Variants in PANK2 observed in about 807,000 individuals in gnomAD.
PANK2 encodes pantothenate kinase 2, mitochondrial.
In PANK2, 36 loss-of-function variants were observed where a neutral mutation model predicts 43.1. The observed-to-expected ratio is 0.84, with a 90% CI of 0.64 to 1.10. PANK2 has a LOEUF of 1.10. PANK2 is among the 50% of genes least tolerant of loss of function. The pLI is 0.00. For synonymous variants in PANK2, 281 were observed against 238.2 expected (o/e 1.18, Z -1.66); for missense variants, 576 against 593.3 (o/e 0.97, Z 0.30).
chr20:3,923,291 G>A lies in PANK2; in HGVS notation c.1380G>A (p.Pro460=), dbSNP rs762044608. ...CACTCCTTGAGCTGTTGAAGATCCC[G>A]TGATCATTACCTGGGGAGGGGTTCC... is the stretch of plus-strand genomic sequence containing the variant. Residue 460 remains proline (P), a synonymous_variant, in exon 7 of 7, where the codon CCG becomes CCA. Coordinates refer to ENST00000610179, the MANE Select transcript of PANK2 (RefSeq NM_001386393.1). 3.4e-5 allele frequency: 55 copies of A among 1,614,010 alleles called. No homozygotes were observed. Among genetic ancestry groups the A allele is most frequent in the Middle Eastern group, 3.3e-4 (2 of 6,084 alleles).
chr20:3,910,767 G>C lies in PANK2; in HGVS notation c.842G>C (p.Gly281Ala). 1 of 1,614,094 alleles carries C rather than the reference G, an allele frequency of 6.2e-7. No individual in the cohort carries two copies. The highest frequency in any genetic ancestry group is 8.5e-7 in the Non-Finnish European group (1 of 1,180,008). ...TATCCTCTGCTTCTGGTGAACATTG[G>C]CTCAGGGGTTAGCATCTTAGCAGTA... The change falls in exon 3 of 7, where the codon GGC (glycine) becomes GCC (alanine). Residue 281 changes from glycine (G) to alanine (A), a missense_variant. Around this residue, in one of 2 missense-constraint regions of PANK2, gnomAD observed 544 missense variants for 528.9 expected, o/e 1.03. Transcript: ENST00000610179.
chr20:3,889,045 T>C, upstream of PANK2: 2 of 1,408,828 alleles, frequency 1.4e-6, no homozygotes, highest in Non-Finnish European at 1.9e-6. Context: ...CCAGGAGAGT[T>C]CCGCGGCCCG....
chr20:3,889,605 A>G lies in PANK2; in HGVS notation c.175A>G (p.Ser59Gly). 6.6e-7 allele frequency: 1 copy of G among 1,522,816 alleles called. No individual in the cohort carries two copies. 94.3% of individuals were successfully genotyped at this position (1,522,816 alleles called of 1,614,324 possible). A position where few individuals can be genotyped will look rare whatever the true frequency, so the allele number is the denominator to read the frequency against. ...GGAGCCACTGCGGCGCCGGGCGAGCAGCGCGTCGGTGCCCGCGGTCGGGGC... is the reference window on the plus strand; with the variant it reads ...GGAGCCACTGCGGCGCCGGGCGAGCGGCGCGTCGGTGCCCGCGGTCGGGGC... Residue 59 changes from serine (S) to glycine (G), a missense_variant, in exon 1 of 7, where the codon AGC becomes GGC. Coordinates refer to ENST00000610179, the MANE Select transcript of PANK2 (RefSeq NM_001386393.1).
chr20:3,917,692 AG>A, intron 5 of PANK2: 1 of 203,654 alleles, frequency 4.9e-6, no homozygotes, highest in East Asian at 1.4e-4. Flanking sequence ...GTTATTCTTT[AG>A]ATAATAATAG....
chr20:3,919,599 C>G (rs1568585508), intron 6 of PANK2, among the ~76,000 whole-genome samples: 1 of 152,144 alleles, frequency 6.6e-6, no homozygotes, highest in Non-Finnish European at 1.5e-5. Context: ...GGAAAAGAAT[C>G]AAATTGCTCA....
intron 1 of PANK2, among the ~76,000 whole-genome samples, chr20:3,906,942 GCGCACGCCACCAC>G (rs2090396404): frequency 6.6e-6 from 1 of 151,948 alleles, no homozygotes; most frequent in African/African-American, 2.4e-5. Context: ...GGGACTACAA[GCGCACGCCACCAC>G]AGCCAGCTGA....
intron 4 of PANK2, 60 bp from the exon 5 acceptor site, chr20:3,916,867 A>G (rs2090568126): frequency 6.2e-7 from 1 of 1,609,102 alleles, no homozygotes; most frequent in Non-Finnish European, 8.5e-7. Flanking sequence ...GTAACATTCA[A>G]GTTCTGTTGG....
intron 6 of PANK2, chr20:3,921,629 G>C (rs1286184718): frequency 1.3e-5 from 2 of 152,202 alleles, no homozygotes; most frequent in Non-Finnish European, 2.9e-5. Context: ...TCCTGTAGCT[G>C]CTGGCCGCCT....
intron 1 of PANK2, among the ~76,000 whole-genome samples, chr20:3,891,725 G>T (rs533178590): frequency 2.0e-5 from 3 of 152,296 alleles, no homozygotes; most frequent in African/African-American, 7.2e-5. Context: ...AGTGGGCCCA[G>T]TTAAGCTCCT....
intron 4 of PANK2, among the ~76,000 whole-genome samples, chr20:3,913,748 C>CT (rs1255547778): frequency 6.8e-6 from 1 of 146,028 alleles, no homozygotes; most frequent in Non-Finnish European, 1.5e-5. Context: ...ATATGTAAGT[C>CT]TTTGTATGTA....
intron 1 of PANK2, chr20:3,891,212 G>T (rs2146811261): frequency 6.6e-6 from 1 of 152,136 alleles, no homozygotes; most frequent in East Asian, 1.9e-4. Flanking sequence ...ACTATGCCAG[G>T]CTAATTTTTC....
At chr20:3,888,949 C>G, upstream of PANK2, 1 of 562,094 alleles carries the variant, frequency 1.8e-6, no homozygotes, top group Non-Finnish European at 3.0e-6. Flanking sequence ...GACCAGCGGC[C>G]AGACGCTGCG....
chr20:3,905,308 A>G (rs1019342785), intron 1 of PANK2, among the ~76,000 whole-genome samples: 1 of 150,544 alleles, frequency 6.6e-6, no homozygotes, highest in African/African-American at 2.4e-5. Context: ...AGGCTTATGC[A>G]TGGTTATTGC....
chr20:3,892,758 G>A (rs1231320194), intron 1 of PANK2, among the ~76,000 whole-genome samples: 2 of 151,224 alleles, frequency 1.3e-5, no homozygotes, highest in South Asian at 2.1e-4. Context: ...TTTGAAAGTC[G>A]AAGGAGCTAT....
At chr20:3,918,999 T>G (rs568032463) in intron 6 of PANK2, among the ~76,000 whole-genome samples, 38 of 152,142 alleles carry the variant, frequency 2.5e-4, no homozygotes, top group Non-Finnish European at 4.3e-4. Context: ...CTCCGCCTCC[T>G]GGGTTCAAGC....
In PANK2 at chr20:3,899,703, C is replaced by CT. The variant is rs11469308; in HGVS notation, c.299-8201dup. Among the ~76,000 whole-genome samples the CT allele has an allele frequency of 5.6e-3, 502 of 88,994 alleles. 18 individuals are homozygous for CT. Among genetic ancestry groups the CT allele is most frequent in the African/African-American group, 0.013 (302 of 23,580 alleles). 58.4% of individuals were successfully genotyped at this position (88,994 alleles called of 152,430 possible). The stretch of plus-strand genomic sequence containing the variant: ...ATGGCTATTACATTCATCAGTTGTA[C>CT]TTTTTTTTTTTTTTTTTTTTTTGAG... On this transcript the variant is annotated intron_variant, in intron 1 of 6. Transcript: ENST00000610179.
chr20:3,889,216 C>T (rs528196335), upstream of PANK2: 1 of 1,612,972 alleles, frequency 6.2e-7, no homozygotes, highest in Non-Finnish European at 8.5e-7. Flanking sequence ...TCCTCCACCA[C>T]CCTCTCCCCG....
chr20:3,918,585 A>G (rs1361114146), intron 5 of PANK2, 86 bp from the exon 6 acceptor site: 13 of 1,565,294 alleles, frequency 8.3e-6, no homozygotes, highest in South Asian at 1.1e-5. Context: ...GCTAAGAGCT[A>G]TGCACATGGT....
At position 3,918,726 on chromosome 20, in the gene PANK2, T is replaced by C; in HGVS notation, c.1262T>C (p.Met421Thr). ...TTCTTGAGAATTAATACGATCGCCA[T>C]GCGGCTTTTGGCATATGCTTTGGAT... Residue 421 changes from methionine (M) to threonine (T), a missense_variant, in exon 6 of 7, where the codon ATG becomes ACG. Met to Thr is a moderately conservative substitution (Grantham distance 81). Coordinates refer to ENST00000610179, the MANE Select transcript of PANK2 (RefSeq NM_001386393.1). The C allele has an allele frequency of 6.2e-7, 1 of 1,614,258 alleles. No homozygotes were observed. Among genetic ancestry groups the C allele is most frequent in the South Asian group, 1.1e-5 (1 of 91,090 alleles).
Sources: gnomAD v4.1 joint callset for allele counts (sites outside exome capture counted in the v4.1 genomes callset) on GRCh38, gnomAD v4.1.1 for gene constraint, gnomAD v4.1.1 regional missense constraint, MANE v1.5 for transcripts, NCBI Gene and HGNC (gene_info 2026-07-23, HGNC 2026-07-21) for gene names.